RGS3: variants seen among roughly 807,000 people sequenced by gnomAD.
RGS3 encodes regulator of G-protein signalling 3.
Under a neutral mutation model 132.6 loss-of-function variants are expected in RGS3, and 80 were observed. The ratio of observed to expected loss-of-function variants is 0.60; its 90% CI spans 0.50 to 0.73. The LOEUF (loss-of-function observed/expected upper bound fraction) is 0.73. RGS3 is among the 30% of genes least tolerant of loss of function. RGS3 has a pLI of 0.00. For synonymous variants in RGS3, 598 were observed against 620.6 expected (o/e 0.96, Z 0.54); for missense variants, 1,382 against 1,530.8 (o/e 0.90, Z 1.62).
Position 113,507,774 on chromosome 9 carries a change from T to C in RGS3, c.1437+136T>C. On this transcript the variant is annotated intron_variant, in intron 13 of 24. Transcript: ENST00000350696. This position sits in a 1 kb window ranked among gnomAD's most constrained non-coding sequence, Gnocchi z 5.0. ...TTGGGCAAGGAGATGGGGTATGTGCTAGCTCTGCCTTCTGCAAGGCTGTTC... is the reference window on the plus strand; with the variant it reads ...TTGGGCAAGGAGATGGGGTATGTGCCAGCTCTGCCTTCTGCAAGGCTGTTC... 1 of 665,898 alleles carries C rather than the reference T, an allele frequency of 1.5e-6. No homozygotes were observed. Among genetic ancestry groups the C allele is most frequent in the Non-Finnish European group, 2.4e-6 (1 of 418,656 alleles). The allele number at this position is 665,898 out of a possible 1,614,324, so 41.2% of individuals were successfully genotyped here.
intron 19 of RGS3, among the ~76,000 whole-genome samples, chr9:113,554,752 G>T (rs922926748): frequency 1.4e-4 from 21 of 152,144 alleles, no homozygotes; most frequent in African/African-American, 2.4e-4. Context: ...TATTATATGG[G>T]TTATAATTAT....
intron 19 of RGS3, among the ~76,000 whole-genome samples, chr9:113,576,283 C>T (rs1834518867): frequency 6.6e-6 from 1 of 151,592 alleles, no homozygotes; most frequent in South Asian, 2.1e-4. Context: ...TCTTGGGCTG[C>T]ACTTTGAGGC....
In RGS3 at chr9:113,461,782, G is replaced by A. The variant is rs771624199; in HGVS notation, c.156G>A (p.Leu52=). The A allele has an allele frequency of 3.7e-6, 6 of 1,614,168 alleles. No homozygotes were observed. The Admixed American group carries it at 5.0e-5, about 13-fold the overall frequency. Residue 52 remains leucine (L), a synonymous_variant, in exon 2 of 25, where the codon TTG becomes TTA. Transcript: ENST00000350696. ...GTCCTGAGTGTTGTACCTGCAGGTT[G>A]CTCACAGCCTCTGGAGCCCAAGATA...
At chr9:113,477,761 G>A (rs113340410) in intron 3 of RGS3, among the ~76,000 whole-genome samples, 5,997 of 152,212 alleles carry the variant, frequency 0.039, 164 homozygotes, top group South Asian at 0.1. Flanking sequence ...CTTTCAAAAG[G>A]GAAAGGGCTC....
intron 1 of RGS3, chr9:113,461,609 G>A (rs909492756): frequency 5.8e-6 from 7 of 1,202,950 alleles, no homozygotes; most frequent in East Asian, 4.7e-5. Flanking sequence ...GCTGCAGAGT[G>A]GGGCAGGAGT....
rs1376857552 is a variant in RGS3, at chr9:113,508,479, C to A, written c.1438-62C>A. On this transcript the variant is annotated intron_variant, in intron 13 of 24. Coordinates refer to ENST00000350696, the Ensembl canonical transcript of RGS3. Reference sequence around the variant, plus strand: ...CCCCTGGGGCCCCCGTGTCCAGCAGCCTCCTGGGCTGTCCTGCCCTGTTCC... The same window carrying A: ...CCCCTGGGGCCCCCGTGTCCAGCAGACTCCTGGGCTGTCCTGCCCTGTTCC... The A allele has an allele frequency of 2.5e-6, 4 of 1,599,362 alleles. No homozygotes were observed. The African/African-American group carries it at 5.4e-5, about 21-fold the overall frequency.
intron 7 of RGS3, among the ~76,000 whole-genome samples, chr9:113,493,745 AC>A: frequency 1.3e-5 from 2 of 151,992 alleles, no homozygotes; most frequent in South Asian, 4.2e-4. Flanking sequence ...CCATGCTCGA[AC>A]CCCACCTTGG....
chr9:113,477,389 G>A (rs1336565782), intron 3 of RGS3, among the ~76,000 whole-genome samples: 3 of 152,216 alleles, frequency 2.0e-5, no homozygotes, highest in Non-Finnish European at 4.4e-5. Context: ...GTTTGCAGGA[G>A]CCTGAATTGC....
At chr9:113,534,099 G>A (rs943018445) in intron 18 of RGS3, among the ~76,000 whole-genome samples, 1 of 152,200 alleles carries the variant, frequency 6.6e-6, no homozygotes, top group East Asian at 1.9e-4. Flanking sequence ...CTGAAGGGTG[G>A]CATTCCTGAG....
At chr9:113,462,828 G>A (rs559567849) in intron 3 of RGS3, among the ~76,000 whole-genome samples, 3 of 152,292 alleles carry the variant, frequency 2.0e-5, no homozygotes, top group African/African-American at 4.8e-5. Flanking sequence ...TCCACTTGGC[G>A]ATGAAGTCTG....
At chr9:113,563,610 C>T (rs1317238925) in intron 19 of RGS3, among the ~76,000 whole-genome samples, 2 of 152,156 alleles carry the variant, frequency 1.3e-5, no homozygotes, top group African/African-American at 4.8e-5. Context: ...CAGGAGCCAG[C>T]AGGATGACAG....
intron 17 of RGS3, 63 bp downstream of exon 15, chr9:113,523,104 C>A: frequency 9.2e-7 from 1 of 1,091,076 alleles, no homozygotes; most frequent in South Asian, 1.2e-5. Flanking sequence ...CTGCTCTGGG[C>A]AGCCCTCTGG....
chr9:113,462,369 A>C (rs1416546370), intron 3 of RGS3, among the ~76,000 whole-genome samples: 5 of 152,152 alleles, frequency 3.3e-5, no homozygotes, highest in Non-Finnish European at 7.3e-5. Flanking sequence ...GGATTCAAAC[A>C]ATCCTACGGC....
chr9:113,557,340 G>A lies in RGS3; in HGVS notation c.2037+20422G>A, dbSNP rs926828445. On this transcript the variant is annotated intron_variant, in intron 19 of 24. Transcript: ENST00000350696. ...TGCTGCCAGAAGGGCCAGGGTTATG[G>A]CCATGGCCTTGGAGTTGGACTCCCT... is the stretch of plus-strand genomic sequence containing the variant. Among the ~76,000 whole-genome samples the A allele has an allele frequency of 1.1e-4, 16 of 152,212 alleles. 1 individual carries two copies. The highest frequency in any genetic ancestry group is 1.0e-3 in the Admixed American group (16 of 15,280).
In RGS3 at chr9:113,447,291, G is replaced by T. The variant is rs1432774440; in HGVS notation, c.-13+2364G>T. Among the ~76,000 whole-genome samples the T allele has an allele frequency of 1.5e-4, 16 of 107,894 alleles. 1 individual carries two copies. Among genetic ancestry groups the T allele is most frequent in the African/African-American group, 5.1e-4 (16 of 31,256 alleles). 70.8% of individuals were successfully genotyped at this position (107,894 alleles called of 152,430 possible). A position where few individuals can be genotyped will look rare whatever the true frequency, so the allele number is the denominator to read the frequency against. On this transcript the variant is annotated intron_variant, in intron 1 of 25. Coordinates refer to the RGS3 transcript ENST00000374140. The stretch of plus-strand genomic sequence containing the variant: ...AAAAAAAAAAAAAAAGAAAAATACA[G>T]GGAGGGTGTAAACCAATAAATTCTG...
At chr9:113,589,715 G>A (rs1328643277) in intron 20 of RGS3, among the ~76,000 whole-genome samples, 1 of 152,228 alleles carries the variant, frequency 6.6e-6, no homozygotes, top group Non-Finnish European at 1.5e-5. Flanking sequence ...GCCCTGAATG[G>A]TGACAGTGGT....
chr9:113,444,816 C>T (rs1388829070), exon 1 of RGS3: 3 of 152,132 alleles, frequency 2.0e-5, no homozygotes, highest in Admixed American at 1.3e-4. Flanking sequence ...ACTGGGATAC[C>T]CTTAGACTGA....
chr9:113,539,917 C>T (rs915116537), intron 19 of RGS3, among the ~76,000 whole-genome samples: 4 of 152,210 alleles, frequency 2.6e-5, no homozygotes, highest in Non-Finnish European at 4.4e-5. Flanking sequence ...GGACCTTCAG[C>T]AGCCGCTGGC....
rs969796736 is a variant in RGS3 at position 113,565,745 on chromosome 9, G to A, written c.2038-17705G>A. The A allele has an allele frequency of 4.1e-5, 9 of 217,634 alleles. 1 individual carries two copies. Among genetic ancestry groups the A allele is most frequent in the Middle Eastern group, 1.8e-3 (1 of 544 alleles). 13.5% of individuals were successfully genotyped at this position (217,634 alleles called of 1,614,324 possible). A position where few individuals can be genotyped will look rare whatever the true frequency, so the allele number is the denominator to read the frequency against. Reference sequence around the variant, plus strand: ...GAGTATGCTGGGTAGGTACCTTGGTGACAGGACTGTGTGTGTGGTGGGCGG... The same window carrying A: ...GAGTATGCTGGGTAGGTACCTTGGTAACAGGACTGTGTGTGTGGTGGGCGG... On this transcript the variant is annotated intron_variant, in intron 19 of 24. Coordinates refer to ENST00000350696, the Ensembl canonical transcript of RGS3. This position sits in a 1 kb window ranked among gnomAD's most constrained non-coding sequence, Gnocchi z 5.7.
Sources: allele counts gnomAD v4.1 joint callset (sites outside exome capture counted in the v4.1 genomes callset), GRCh38; gene constraint gnomAD v4.1.1; non-coding constraint Gnocchi (gnomAD v3.1); transcripts MANE v1.5; gene names NCBI Gene and HGNC (gene_info 2026-07-23, HGNC 2026-07-21).